Variants in FSIP2 observed in about 807,000 individuals in gnomAD.
FSIP2 encodes fibrous sheath interacting protein 2, also known as fibrous sheath-interacting protein 2.
Under a neutral mutation model 510.5 loss-of-function variants are expected in FSIP2, and 367 were observed. The ratio of observed to expected loss-of-function variants is 0.72; its 90% CI spans 0.66 to 0.78. The LOEUF (loss-of-function observed/expected upper bound fraction) is 0.78. Ranked by LOEUF, FSIP2 falls within the 30% of genes least tolerant of loss-of-function variation. FSIP2 has a pLI of 0.00. For missense variants in FSIP2, 7,594 were observed against 7,901.7 expected, an observed-to-expected ratio of 0.96 and a Z score of 1.48; for synonymous variants, 2,601 against 2,732.2, an observed-to-expected ratio of 0.95 and a Z score of 1.50.
chr2:185,779,794 A>T (rs1445374103), intron 13 of FSIP2, among the ~76,000 whole-genome samples: 1 of 152,134 alleles, frequency 6.6e-6, no homozygotes, highest in Non-Finnish European at 1.5e-5. Context: ...GTTCTAAAGT[A>T]CTGCATTCTT....
intron 21 of FSIP2, among the ~76,000 whole-genome samples, chr2:185,829,997 C>CTTAAA (rs1207290920): frequency 6.6e-6 from 1 of 151,796 alleles, no homozygotes. Context: ...GAACTGCATT[C>CTTAAA]TTAATAGTAG....
upstream of FSIP2, chr2:185,738,226 G>C (rs1036214562): frequency 7.9e-6 from 2 of 252,050 alleles, no homozygotes; most frequent in African/African-American, 2.3e-5. Context: ...GACTGGCCCA[G>C]AAGCGTCAAG....
chr2:185,830,547 C>T (rs1007865301), intron 21 of FSIP2, among the ~76,000 whole-genome samples: 1 of 151,848 alleles, frequency 6.6e-6, no homozygotes, highest in African/African-American at 2.4e-5. Flanking sequence ...CTACACACAT[C>T]CTCCCATATA....
Position 185,815,702 on chromosome 2 carries a change from A to T in FSIP2, c.20426+231A>T, listed in dbSNP as rs2287605. Among the ~76,000 whole-genome samples, 484 of 151,772 alleles carry T rather than the reference A, an allele frequency of 3.2e-3. 1 individual carries two copies. The highest frequency in any genetic ancestry group is 9.1e-3 in the Admixed American group (139 of 15,246). Reference sequence around the variant, plus strand: ...TGTCCTAGTTTTCAAACCAGTTTCTAGTGTATCAGTGTCTTATATAAAGTA... The same window carrying T: ...TGTCCTAGTTTTCAAACCAGTTTCTTGTGTATCAGTGTCTTATATAAAGTA... On this transcript the variant is annotated intron_variant, in intron 19 of 22. Transcript: ENST00000424728.
At chr2:185,773,151 C>T (rs189473367) in intron 13 of FSIP2, among the ~76,000 whole-genome samples, 1 of 152,178 alleles carries the variant, frequency 6.6e-6, no homozygotes, top group Non-Finnish European at 1.5e-5. Context: ...CATGATCCAA[C>T]ACGCCAGGCC....
At chr2:185,776,921 G>A (rs565595475) in intron 13 of FSIP2, among the ~76,000 whole-genome samples, 68 of 151,844 alleles carry the variant, frequency 4.5e-4, no homozygotes, top group Admixed American at 5.3e-4. Flanking sequence ...ACCAGGTTTC[G>A]CCATGTTGGT....
Position 185,746,745 on chromosome 2 carries a change from A to G in FSIP2, c.694A>G (p.Arg232Gly). The G allele has an allele frequency of 6.5e-7, 1 of 1,532,786 alleles. No individual in the cohort carries two copies. The allele number at this position is 1,532,786 out of a possible 1,614,324, so 94.9% of individuals were successfully genotyped here. ...AEEQRLFLMDREERRQREHTR... is the reference protein window; with the variant it reads ...AEEQRLFLMDGEERRQREHTR... ...AGAACAACGCCTATTCCTAATGGAT[A>G]GAGAAGAAAGACGACAGCGGGAACA... Residue 232 changes from arginine (R) to glycine (G), a missense_variant, in exon 6 of 23, where the codon AGA becomes GGA. Arg to Gly is a moderately radical substitution (Grantham distance 125). Transcript: ENST00000424728.
Position 185,793,312 on chromosome 2 carries a change from G to A in FSIP2, c.6176G>A (p.Ser2059Asn). 6.5e-7 allele frequency: 1 copy of A among 1,534,212 alleles called. No homozygotes were observed. The highest frequency in any genetic ancestry group is 2.4e-5 in the East Asian group (1 of 40,828). The change falls in exon 16 of 23, where the codon AGT becomes AAT. Residue 2059 changes from serine to asparagine, a missense_variant. Ser to Asn is a conservative substitution (Grantham distance 46, BLOSUM62 1). Coordinates refer to ENST00000424728, the MANE Select transcript of FSIP2 (RefSeq NM_173651.4). ...CGTAAAGGCAAATGTGACAAAAACA[G>A]TTCTGACAAAGAGATCGATTTAGAT... ...ISRKGKCDKNSSDKEIDLDQQ... is the reference protein window; with the variant it reads ...ISRKGKCDKNNSDKEIDLDQQ...
chr2:185,742,628 A>G (rs930385017), intron 2 of FSIP2, among the ~76,000 whole-genome samples: 1 of 152,202 alleles, frequency 6.6e-6, no homozygotes, highest in African/African-American at 2.4e-5. Flanking sequence ...AATCGTTAAC[A>G]TCTAAGTTTT....
chr2:185,773,483 C>T (rs1378820411), intron 13 of FSIP2, among the ~76,000 whole-genome samples: 2 of 152,266 alleles, frequency 1.3e-5, no homozygotes, highest in South Asian at 2.1e-4. Context: ...CATTAGATCA[C>T]CTGATATTTT....
In FSIP2 at chr2:185,790,633, T is replaced by G; in HGVS notation, c.3497T>G (p.Val1166Gly). The change falls in exon 16 of 23, where the codon GTG becomes GGG. Residue 1166 changes from valine to glycine, a missense_variant. Transcript: ENST00000424728. ...QMFSVSEISTVAQEITDSVLN... is the reference protein window; with the variant it reads ...QMFSVSEISTGAQEITDSVLN... ...TTTTCTGTTTCAGAAATCAGTACAG[T>G]GGCTCAAGAAATAACAGATTCTGTG... 1 of 1,534,040 alleles carries G rather than the reference T, an allele frequency of 6.5e-7. No individual in the cohort carries two copies. Among genetic ancestry groups the G allele is most frequent in the Non-Finnish European group, 8.7e-7 (1 of 1,145,420 alleles).
rs368129889 is a variant in FSIP2 at position 185,796,152 on chromosome 2, T to C, written c.9016T>C (p.Leu3006=). ...AAACATGTTAGAGTCATTTGTGGAC[T>C]TGCAGTTTAAACATATCTCCAAATA... The part of the protein sequence containing the change: ...VLNMLESFVD[L]QFKHISKYEF... Residue 3006 remains leucine (L), a synonymous_variant, in exon 16 of 23, where the codon TTG becomes CTG. Coordinates refer to ENST00000424728, the MANE Select transcript of FSIP2 (RefSeq NM_173651.4). 52 of 1,533,992 alleles carry C rather than the reference T, an allele frequency of 3.4e-5. 1 individual carries two copies. Among genetic ancestry groups the C allele is most frequent in the South Asian group, 2.7e-4 (23 of 83,866 alleles).
At position 185,807,557 on chromosome 2, in the gene FSIP2, T is replaced by C; in HGVS notation, c.18251T>C (p.Val6084Ala). The C allele has an allele frequency of 1.2e-6, 2 of 1,611,656 alleles. No homozygotes were observed. The highest frequency in any genetic ancestry group is 1.7e-6 in the Non-Finnish European group (2 of 1,178,696). ...QSDDDEIIQL[V>A]VQSVYNNLLP... ...GATGATGATGAAATTATTCAATTAG[T>C]GGTTCAGTCTGTTTATAATAATCTC... Residue 6084 changes from valine to alanine, a missense_variant, in exon 17 of 23, where the codon GTG becomes GCG. Val to Ala is a moderately conservative substitution (Grantham distance 64). Transcript: ENST00000424728.
At position 185,795,866 on chromosome 2, in the gene FSIP2, A is replaced by G; in HGVS notation, c.8730A>G (p.Lys2910=). Residue 2910 remains lysine (K), a synonymous_variant, in exon 16 of 23, where the codon AAA becomes AAG. Transcript: ENST00000424728. ...CTTCTACTAGAGCCGAGGATACTAA[A>G]GCACAAATTAATATGTTTGGAAGGG... ...KGASTRAEDT[K]AQINMFGREI... 2 of 1,532,560 alleles carry G rather than the reference A, an allele frequency of 1.3e-6. No individual in the cohort carries two copies. Among genetic ancestry groups the G allele is most frequent in the Non-Finnish European group, 1.7e-6 (2 of 1,145,486 alleles). 94.9% of individuals were successfully genotyped at this position (1,532,560 alleles called of 1,614,324 possible).
intron 7 of FSIP2, among the ~76,000 whole-genome samples, chr2:185,751,951 C>T (rs1237485877): frequency 1.4e-5 from 2 of 140,914 alleles, no homozygotes; most frequent in Non-Finnish European, 1.6e-5. Flanking sequence ...CTAAGTTTGT[C>T]TAAACTATCA....
In FSIP2 at chr2:185,789,728, C is replaced by T. The variant is rs1693074001; in HGVS notation, c.2592C>T (p.Phe864=). The change falls in exon 16 of 23, where the codon TTC becomes TTT. Residue 864 remains phenylalanine (F), a synonymous_variant. Transcript: ENST00000424728. ...ATAAGACAGACCCAATATGTATGTT[C>T]CTTCAAAGAGCTGGCAAAAATAAAT... The part of the protein sequence containing the change: ...QQHKTDPICM[F]LQRAGKNKSS... 1 of 1,534,352 alleles carries T rather than the reference C, an allele frequency of 6.5e-7. No homozygotes were observed. The highest frequency in any genetic ancestry group is 8.7e-7 in the Non-Finnish European group (1 of 1,145,736).
At chr2:185,787,703 C>T (rs1197521011) in intron 15 of FSIP2, among the ~76,000 whole-genome samples, 1 of 151,604 alleles carries the variant, frequency 6.6e-6, no homozygotes, top group African/African-American at 2.4e-5. Context: ...ACCCATGGTC[C>T]AGTTCAAATC....
intron 19 of FSIP2, 82 bp from the exon 20 acceptor site, chr2:185,824,352 G>A (rs1693976928): frequency 2.3e-6 from 2 of 881,006 alleles, no homozygotes; most frequent in Non-Finnish European, 3.7e-6. Context: ...TCCATATGGA[G>A]AATAACTGTT....
At chr2:185,778,978 A>G (rs1196035006) in intron 13 of FSIP2, among the ~76,000 whole-genome samples, 4 of 152,016 alleles carry the variant, frequency 2.6e-5, no homozygotes, top group Non-Finnish European at 5.9e-5. Flanking sequence ...GAATATTCCT[A>G]TCATCATGCA....
Sources: gnomAD v4.1 joint callset for allele counts (sites outside exome capture counted in the v4.1 genomes callset) on GRCh38, gnomAD v4.1.1 for gene constraint, MANE v1.5 for transcripts, NCBI Gene and HGNC (gene_info 2026-07-23, HGNC 2026-07-21) for gene names.